LRRC57: variants seen among roughly 807,000 people sequenced by gnomAD.
The protein encoded by LRRC57 is leucine-rich repeat-containing protein 57.
Under a neutral mutation model 23.1 loss-of-function variants are expected in LRRC57, and 14 were observed. That is an observed-to-expected ratio of 0.61 (90% confidence interval 0.40 to 0.95). LRRC57 has a LOEUF of 0.95. Ranked by LOEUF, LRRC57 falls within the 40% of genes least tolerant of loss-of-function variation. The pLI is 0.00. For synonymous variants in LRRC57, 106 were observed against 115.2 expected (o/e 0.92, Z 0.51); for missense variants, 236 against 284.4 (o/e 0.83, Z 1.22).
downstream of LRRC57, among the ~76,000 whole-genome samples, chr15:42,533,697 A>G (rs1412758178): frequency 6.6e-6 from 1 of 152,202 alleles, no homozygotes; most frequent in Admixed American, 6.5e-5. Flanking sequence ...AAGTGACTGT[A>G]AGATCATTTC....
chr15:42,536,920 C>T (rs1248504654), downstream of LRRC57, among the ~76,000 whole-genome samples: 1 of 152,116 alleles, frequency 6.6e-6, no homozygotes, highest in African/African-American at 2.4e-5. Context: ...CTTCAAGTTT[C>T]CAGTCTTATA....
Position 42,548,773 on chromosome 15 carries a change from T to G in LRRC57, c.-103A>C, listed in dbSNP as rs2057682508. 1.2e-6 allele frequency: 1 copy of G among 861,430 alleles called. No homozygotes were observed. The highest frequency in any genetic ancestry group is 1.7e-5 in the African/African-American group (1 of 59,380). The allele number at this position is 861,430 out of a possible 1,614,324, so 53.4% of individuals were successfully genotyped here. A position where few individuals can be genotyped will look rare whatever the true frequency, so the allele number is the denominator to read the frequency against. The stretch of plus-strand genomic sequence containing the variant: ...AGCCGGGATGCGCTCCCCGGCTTAG[T>G]CCCGGGCGGGAACGCCCTGTGACGT... On this transcript the variant is annotated 5_prime_UTR_variant, in exon 1 of 6. Transcript: ENST00000397130.
chr15:42,544,248 C>A (rs2057645436), intron 5 of LRRC57, 124 bp from the exon 6 acceptor site: 1 of 720,484 alleles, frequency 1.4e-6, no homozygotes, highest in East Asian at 2.7e-5. Context: ...CAAAATATAA[C>A]TGCTGTAAAT....
downstream of LRRC57, among the ~76,000 whole-genome samples, chr15:42,537,248 C>CACACACACACACACACACAT (rs898846158): frequency 8.7e-5 from 13 of 149,654 alleles, no homozygotes; most frequent in African/African-American, 3.3e-4. Flanking sequence ...CACACACACA[C>CACACACACACACACACACAT]ACACACACAC....
chr15:42,537,233 T>TCTCACACACACACACACACACACACACA (rs1166056089), downstream of LRRC57, among the ~76,000 whole-genome samples: 1 of 136,504 alleles, frequency 7.3e-6, no homozygotes, highest in African/African-American at 3.0e-5. Flanking sequence ...TCTCTCTCTC[T>TCTCACACACACACACACACACACACACA]CACACACACA....
chr15:42,544,850 A>ATATATATATATATATATATG (rs1410766587), intron 5 of LRRC57, among the ~76,000 whole-genome samples: 3 of 144,824 alleles, frequency 2.1e-5, no homozygotes, highest in African/African-American at 8.4e-5. Context: ...CACTATATAT[A>ATATATATATATATATATATG]TATATATATC....
In LRRC57 at chr15:42,542,766, G is replaced by A. The variant is rs2057636870; in HGVS notation, c.*1317C>T. On this transcript the variant is annotated 3_prime_UTR_variant, in exon 6 of 6. Coordinates refer to ENST00000397130, the MANE Select transcript of LRRC57 (RefSeq NM_153260.3). Reference sequence around the variant, plus strand: ...TTGCATATACAGTTTTGGCTCTTCAGAGCCCTCTACCAATAAGGCACCTGC... The same window carrying A: ...TTGCATATACAGTTTTGGCTCTTCAAAGCCCTCTACCAATAAGGCACCTGC... 1 of 152,542 alleles carries A rather than the reference G, an allele frequency of 6.6e-6. No individual in the cohort carries two copies. Among genetic ancestry groups the A allele is most frequent in the African/African-American group, 2.4e-5 (1 of 41,432 alleles). 9.4% of individuals were successfully genotyped at this position (152,542 alleles called of 1,614,324 possible).
chr15:42,531,408 T>C, the LRRC57 span: 2 of 1,538,330 alleles, frequency 1.3e-6, no homozygotes, highest in Admixed American at 4.1e-5. Context: ...TTTCTTGTTT[T>C]TCAGGCTGAC....
chr15:42,528,992 A>G, the LRRC57 span, among the ~76,000 whole-genome samples: 2 of 152,152 alleles, frequency 1.3e-5, no homozygotes, highest in South Asian at 2.1e-4. Flanking sequence ...TTACTTTTAT[A>G]TATAGAAAAA....
In LRRC57 at chr15:42,539,661, G is replaced by C. The variant is rs561535164; in HGVS notation, c.*4422C>G. ...ATTAGGTGACTTGGACTAGTGGCCA[G>C]ATTCAAATCTGGGTCTTTAGACCAC... On this transcript the variant is annotated 3_prime_UTR_variant, in exon 6 of 6. Coordinates refer to ENST00000397130, the MANE Select transcript of LRRC57 (RefSeq NM_153260.3). 1.3e-5 allele frequency: 2 copies of C among 152,176 alleles called. No individual in the cohort carries two copies. Among genetic ancestry groups the C allele is most frequent in the South Asian group, 4.1e-4 (2 of 4,822 alleles). The allele number at this position is 152,176 out of a possible 1,614,324, so 9.4% of individuals were successfully genotyped here. A position where few individuals can be genotyped will look rare whatever the true frequency, so the allele number is the denominator to read the frequency against.
chr15:42,547,002 G>GT (rs954739383), intron 4 of LRRC57, among the ~76,000 whole-genome samples: 3 of 152,160 alleles, frequency 2.0e-5, no homozygotes, highest in East Asian at 1.9e-4. Context: ...TGAGACAGTA[G>GT]TTTAACTTTT....
In LRRC57 at chr15:42,547,759, G is replaced by T; in HGVS notation, c.224-230C>A. The T allele has an allele frequency of 5.4e-6, 3 of 551,826 alleles. No homozygotes were observed. In the South Asian group the frequency reaches 7.8e-5, roughly 14 times the overall value. The allele number at this position is 551,826 out of a possible 1,614,324, so 34.2% of individuals were successfully genotyped here. On this transcript the variant is annotated intron_variant, in intron 3 of 5. Coordinates refer to ENST00000397130, the MANE Select transcript of LRRC57 (RefSeq NM_153260.3). Reference sequence around the variant, plus strand: ...TGTATAATGGGCTCCTTTTGTAAAGGGGCCCAAGGCACAATCCGACAGCAA... The same window carrying T: ...TGTATAATGGGCTCCTTTTGTAAAGTGGCCCAAGGCACAATCCGACAGCAA...
At chr15:42,534,512 T>C (rs1389793663), downstream of LRRC57, among the ~76,000 whole-genome samples, 1 of 152,232 alleles carries the variant, frequency 6.6e-6, no homozygotes, top group African/African-American at 2.4e-5. Context: ...GTTGGTATCT[T>C]GACCTCCTTT....
the LRRC57 span, chr15:42,529,723 A>C: frequency 6.2e-7 from 1 of 1,614,142 alleles, no homozygotes; most frequent in East Asian, 2.2e-5. Flanking sequence ...ACCTGACTCA[A>C]GTGGGCAGTA....
the LRRC57 span, chr15:42,531,825 GT>G: frequency 1.2e-5 from 2 of 170,674 alleles, no homozygotes; most frequent in South Asian, 2.0e-4. Context: ...CTGTAGAGGT[GT>G]TTTTTGTTGT....
downstream of LRRC57, chr15:42,532,987 C>T (rs1365929938): frequency 6.6e-6 from 1 of 152,582 alleles, no homozygotes; most frequent in African/African-American, 2.4e-5. Context: ...CTGAACACTT[C>T]AAAGCTGTCA....
chr15:42,547,415 AGGGTCTTGAG>A lies in LRRC57; in HGVS notation c.328_337del (p.Leu110Ter). 6.2e-7 allele frequency: 1 copy of A among 1,614,216 alleles called. No individual in the cohort carries two copies. The highest frequency in any genetic ancestry group is 8.5e-7 in the Non-Finnish European group (1 of 1,180,032). Reference sequence around the variant, plus strand: ...TCCCAGTTGGTTCCCAGAGAGGCTCAGGGTCTTGAGGGCAGAGAGTTGCCCAAAGGTAGAC... The same window carrying A: ...TCCCAGTTGGTTCCCAGAGAGGCTCAGGCAGAGAGTTGCCCAAAGGTAGAC... On this transcript the variant is annotated frameshift_variant, in exon 4 of 6. Transcript: ENST00000397130. LOFTEE classifies it high-confidence loss of function.
At chr15:42,533,430 C>T (rs1252397316), downstream of LRRC57, among the ~76,000 whole-genome samples, 1 of 152,164 alleles carries the variant, frequency 6.6e-6, no homozygotes, top group African/African-American at 2.4e-5. Flanking sequence ...AAGTGAGATG[C>T]AACTACACCC....
In LRRC57 at chr15:42,539,840, A is replaced by G. The variant is rs1267706262; in HGVS notation, c.*4243T>C. ...GAAGTGCTATAGTAACAGATGGGTG[A>G]GCAGTTAATTCGGCTTAGACGCAGG... is the stretch of plus-strand genomic sequence containing the variant. On this transcript the variant is annotated 3_prime_UTR_variant, in exon 6 of 6. Transcript: ENST00000397130. The G allele has an allele frequency of 6.6e-6, 1 of 152,242 alleles. No homozygotes were observed. Among genetic ancestry groups the G allele is most frequent in the Non-Finnish European group, 1.5e-5 (1 of 68,086 alleles). 9.4% of individuals were successfully genotyped at this position (152,242 alleles called of 1,614,324 possible).
Sources: gnomAD v4.1 joint callset for allele counts (sites outside exome capture counted in the v4.1 genomes callset) on GRCh38, gnomAD v4.1.1 for gene constraint, MANE v1.5 for transcripts, NCBI Gene and HGNC (gene_info 2026-07-23, HGNC 2026-07-21) for gene names.